The following EVC2 variants were observed in gnomAD, a reference collection of about 807,000 sequenced individuals.
EVC2 encodes the protein limbin.
Under a neutral mutation model 149.3 loss-of-function variants are expected in EVC2, and 148 were observed. The ratio of observed to expected loss-of-function variants is 0.99; its 90% confidence interval spans 0.87 to 1.14. EVC2 has a LOEUF of 1.14. EVC2 is among the 50% of genes most tolerant of loss of function. EVC2 has a pLI of 0.00. For synonymous variants in EVC2, 776 were observed against 649.9 expected (o/e 1.19, Z -2.95); for missense variants, 1,854 against 1,627.3 (o/e 1.14, Z -2.40).
chr4:5,681,152 G>C (rs1014186897), intron 7 of EVC2, 108 bp downstream of exon 7: 1 of 1,261,812 alleles, frequency 7.9e-7, no homozygotes, highest in Non-Finnish European at 1.2e-6. Context: ...ACGCATAACT[G>C]GGGGACCAAG....
intron 16 of EVC2, among the ~76,000 whole-genome samples, chr4:5,604,206 C>A (rs947635079): frequency 1.3e-5 from 2 of 152,066 alleles, no homozygotes; most frequent in African/African-American, 4.8e-5. Context: ...TAGTTGAGGG[C>A]GGATGAAATC....
intron 17 of EVC2, among the ~76,000 whole-genome samples, chr4:5,583,183 C>T (rs1711958617): frequency 6.6e-6 from 1 of 152,146 alleles, no homozygotes; most frequent in African/African-American, 2.4e-5. Context: ...TAATGTTAAA[C>T]CAACCTTATA....
At chr4:5,612,144 G>C (rs931727811) in intron 16 of EVC2, among the ~76,000 whole-genome samples, 1 of 152,200 alleles carries the variant, frequency 6.6e-6, no homozygotes, top group Non-Finnish European at 1.5e-5. Flanking sequence ...TTAAACTGTT[G>C]TAACTTATAA....
intron 20 of EVC2, among the ~76,000 whole-genome samples, chr4:5,566,251 T>A (rs1722283275): frequency 6.6e-6 from 1 of 152,142 alleles, no homozygotes; most frequent in African/African-American, 2.4e-5. Context: ...GTCAAGCCAA[T>A]AAAGGATGTG....
chr4:5,680,119 G>GTTAT (rs1720244396), intron 7 of EVC2, among the ~76,000 whole-genome samples: 1 of 152,126 alleles, frequency 6.6e-6, no homozygotes, highest in Non-Finnish European at 1.5e-5. Context: ...TCATCTCCTA[G>GTTAT]GATAACAATG....
At chr4:5,537,347 T>A in the EVC2 span, among the ~76,000 whole-genome samples, 1 of 152,180 alleles carries the variant, frequency 6.6e-6, no homozygotes, top group Non-Finnish European at 1.5e-5. Flanking sequence ...AGAAAATTCC[T>A]TGAGGCCAGG....
At chr4:5,559,783 G>A (rs1721905379), downstream of EVC2, among the ~76,000 whole-genome samples, 1 of 152,116 alleles carries the variant, frequency 6.6e-6, no homozygotes, top group Non-Finnish European at 1.5e-5. This position sits in a 1 kb window ranked among gnomAD's most constrained non-coding sequence, Gnocchi z 5.0. Flanking sequence ...TATACCGATA[G>A]AAATAAATAA....
chr4:5,593,055 G>A (rs1377909042), intron 16 of EVC2, among the ~76,000 whole-genome samples: 3 of 152,106 alleles, frequency 2.0e-5, no homozygotes, highest in East Asian at 3.9e-4. Flanking sequence ...TCTCCTTGCT[G>A]CTGCCATGTG....
At chr4:5,568,302 T>G in intron 20 of EVC2, 142 bp downstream of exon 20, 2 of 896,086 alleles carry the variant, frequency 2.2e-6, no homozygotes. Context: ...CTTATTTTCT[T>G]AAGATTCTAT....
Position 5,576,317 on chromosome 4 carries a change from AT to A in EVC2, c.3194del (p.Asp1065ValfsTer14), listed in dbSNP as rs2108778725. 5 of 1,614,104 alleles carry A rather than the reference AT, an allele frequency of 3.1e-6. No individual in the cohort carries two copies. Among genetic ancestry groups the A allele is most frequent in the Non-Finnish European group, 4.2e-6 (5 of 1,180,022 alleles). On this transcript the variant is annotated frameshift_variant, in exon 18 of 22. Transcript: ENST00000344408. LOFTEE classifies it high-confidence loss of function. The surrounding 1 kb of genome is among the most constrained non-coding windows in gnomAD (Gnocchi z 4.5). ...PGILNEPGEV[D>X]SERQVSTVLH... ...GGACAGTAGAGACCTGCCTTTCAGA[AT>A]CCACCTCCCCAGGTTCGTTCAGAAT...
rs1722514628 is a variant in EVC2, at chr4:5,569,414, G to C, written c.3361-774C>G. 6.6e-6 allele frequency among the ~76,000 whole-genome samples: 1 copy of C among 152,212 alleles called. No individual in the cohort carries two copies. Among genetic ancestry groups the C allele is most frequent in the African/African-American group, 2.4e-5 (1 of 41,462 alleles). ...TTCCTGGTTCTGATGCTGTCTGACA[G>C]GAACCATTGGGGAAAATTGAGTGAA... On this transcript the variant is annotated intron_variant, in intron 19 of 21. Coordinates refer to ENST00000344408, the MANE Select transcript of EVC2 (RefSeq NM_147127.5). This position sits in a 1 kb window ranked among gnomAD's most constrained non-coding sequence, Gnocchi z 4.8.
chr4:5,530,507 T>A, the EVC2 span, among the ~76,000 whole-genome samples: 1 of 148,992 alleles, frequency 6.7e-6, no homozygotes, highest in Admixed American at 6.8e-5. Flanking sequence ...CATATGAATC[T>A]CCTCACACAG....
At chr4:5,667,443 T>G (rs1719355291) in intron 7 of EVC2, among the ~76,000 whole-genome samples, 1 of 151,992 alleles carries the variant, frequency 6.6e-6, no homozygotes, top group African/African-American at 2.4e-5. Context: ...CTGCTGAGGG[T>G]TTGTCAACCC....
At chr4:5,563,652 T>G (rs1722089304) in intron 21 of EVC2, among the ~76,000 whole-genome samples, 1 of 151,168 alleles carries the variant, frequency 6.6e-6, no homozygotes, top group Non-Finnish European at 1.5e-5. Context: ...TTTTCAGGAG[T>G]TTTGCGAGCC....
Position 5,633,069 on chromosome 4 carries a change from G to C in EVC2, c.1471-1037C>G, listed in dbSNP as rs1473754812. Among the ~76,000 whole-genome samples the C allele has an allele frequency of 6.6e-6, 1 of 152,222 alleles. No homozygotes were observed. Among genetic ancestry groups the C allele is most frequent in the Non-Finnish European group, 1.5e-5 (1 of 68,036 alleles). ...AAGGAAGACTCTCCTGGGTGGGCCT[G>C]ACTCCTTAAAAGAAGCATTGGAGCC... On this transcript the variant is annotated intron_variant, in intron 10 of 21. Coordinates refer to ENST00000344408, the MANE Select transcript of EVC2 (RefSeq NM_147127.5). This position sits in a 1 kb window ranked among gnomAD's most constrained non-coding sequence, Gnocchi z 4.4.
Position 5,576,320 on chromosome 4 carries a change from C to T in EVC2, c.3192G>A (p.Val1064=), listed in dbSNP as rs755786659. The change falls in exon 18 of 22, where the codon GTG becomes GTA. Residue 1064 remains valine, a synonymous_variant. Transcript: ENST00000344408. The surrounding 1 kb of genome is among the most constrained non-coding windows in gnomAD (Gnocchi z 4.5). The part of the protein sequence containing the change: ...GPGILNEPGE[V]DSERQVSTVL... ...CAGTAGAGACCTGCCTTTCAGAATC[C>T]ACCTCCCCAGGTTCGTTCAGAATCC... The T allele has an allele frequency of 1.4e-5, 23 of 1,614,032 alleles. No homozygotes were observed. In the Admixed American group the frequency reaches 2.5e-4, roughly 18 times the overall value.
downstream of EVC2, among the ~76,000 whole-genome samples, chr4:5,562,223 T>G (rs528605613): frequency 2.0e-5 from 3 of 152,260 alleles, no homozygotes; most frequent in South Asian, 6.2e-4. The surrounding 1 kb of genome is among the most constrained non-coding windows in gnomAD (Gnocchi z 4.3). Flanking sequence ...ATCACTTCAG[T>G]TTTCCATACC....
intron 12 of EVC2, among the ~76,000 whole-genome samples, chr4:5,628,227 T>C (rs972346137): frequency 6.6e-6 from 1 of 152,022 alleles, no homozygotes; most frequent in Non-Finnish European, 1.5e-5. Flanking sequence ...TTAATTGCCA[T>C]TGTGACAGTA....
At chr4:5,568,835 A>C (rs754715216) in intron 19 of EVC2, among the ~76,000 whole-genome samples, 195 bp from the exon 20 acceptor site, 3 of 152,148 alleles carry the variant, frequency 2.0e-5, no homozygotes, top group Non-Finnish European at 2.9e-5. Context: ...GCTCCCCAGG[A>C]CGCTTCTAAA....
Sources: allele counts gnomAD v4.1 joint callset (sites outside exome capture counted in the v4.1 genomes callset), GRCh38; gene constraint gnomAD v4.1.1; non-coding constraint Gnocchi (gnomAD v3.1); transcripts MANE v1.5; gene names NCBI Gene and HGNC (gene_info 2026-07-23, HGNC 2026-07-21).